The following C3orf33 variants were observed in gnomAD, a reference collection of about 807,000 sequenced individuals.
C3orf33 encodes the protein mitochondrial inner membrane subdomain organizer 1, also known as AP-1 activity suppressor.
In C3orf33, 23 loss-of-function variants were observed where a neutral mutation model predicts 28.7. The ratio of observed to expected loss-of-function variants is 0.80; its 90% confidence interval spans 0.58 to 1.13. The LOEUF is 1.13. Among genes scored for constraint, C3orf33 ranks in the 50% most tolerant of loss-of-function variants. The probability of loss-of-function intolerance (pLI) is 0.00; values close to 1 mark genes in which losing one functional copy is unlikely to be tolerated. For missense variants in C3orf33, 327 were observed against 353.4 expected (o/e 0.93, Z 0.60); for synonymous variants, 119 against 120.5 (o/e 0.99, Z 0.08).
intron 2 of C3orf33, among the ~76,000 whole-genome samples, chr3:155,787,156 T>C (rs80140424): frequency 0.015 from 2,224 of 152,172 alleles, 27 homozygotes; most frequent in South Asian, 0.039. Context: ...GTCATAAACA[T>C]TGACGAAGAA....
At chr3:155,781,791 T>C (rs79408462) in intron 2 of C3orf33, among the ~76,000 whole-genome samples, 1 of 87,140 alleles carries the variant, frequency 1.1e-5, no homozygotes, top group Non-Finnish European at 2.3e-5. Flanking sequence ...AAAAAAAAAA[T>C]AGTGGGCCGG....
At chr3:155,774,913 TAAC>T (rs1750694005) in intron 3 of C3orf33, among the ~76,000 whole-genome samples, 1 of 152,140 alleles carries the variant, frequency 6.6e-6, no homozygotes, top group Admixed American at 6.5e-5. Context: ...CCTGATTAAA[TAAC>T]AACTCCTCAA....
rs375532251 is a variant in C3orf33, at chr3:155,790,747, G to A, written c.174+11785C>T. Among the ~76,000 whole-genome samples, 74 of 152,246 alleles carry A rather than the reference G, an allele frequency of 4.9e-4. 2 individuals are homozygous for A. The South Asian group carries it at 0.014, about 29-fold the overall frequency. On this transcript the variant is annotated intron_variant, in intron 2 of 4. Coordinates refer to ENST00000340171, the MANE Select transcript of C3orf33 (RefSeq NM_001308229.2). ...AAGCAACATCAGATAAAACTGAGCC[G>A]GGGCCCACAGAGGAAGTATTTAGAC...
chr3:155,797,081 C>T (rs1055497759), intron 2 of C3orf33, among the ~76,000 whole-genome samples: 5 of 152,140 alleles, frequency 3.3e-5, no homozygotes. Context: ...ATTCCAGCTA[C>T]TTGGGAGGCT....
intron 4 of C3orf33, 37 bp downstream of exon 4, chr3:155,767,471 GA>G: frequency 1.4e-6 from 2 of 1,398,950 alleles, no homozygotes; most frequent in Non-Finnish European, 1.9e-6. Flanking sequence ...GTAATAAGAA[GA>G]ATAAGATATT....
intron 2 of C3orf33, among the ~76,000 whole-genome samples, chr3:155,777,206 T>C (rs993401557): frequency 6.6e-6 from 1 of 151,648 alleles, no homozygotes; most frequent in Non-Finnish European, 1.5e-5. Context: ...CCCAGCTACT[T>C]GGGAGGCTGA....
intron 2 of C3orf33, among the ~76,000 whole-genome samples, chr3:155,801,420 A>G (rs1309276469): frequency 6.6e-6 from 1 of 152,212 alleles, no homozygotes; most frequent in Non-Finnish European, 1.5e-5. Context: ...ATATTTGTAT[A>G]TGCATGTTCA....
At chr3:155,800,121 C>G (rs905110870) in intron 2 of C3orf33, among the ~76,000 whole-genome samples, 13 of 151,664 alleles carry the variant, frequency 8.6e-5, no homozygotes, top group Non-Finnish European at 1.6e-4. Context: ...TGATGAATAC[C>G]CTATTTACTC....
intron 2 of C3orf33, among the ~76,000 whole-genome samples, chr3:155,786,383 A>G (rs1751109232): frequency 6.6e-6 from 1 of 152,234 alleles, no homozygotes; most frequent in African/African-American, 2.4e-5. Context: ...GACTAAAAAA[A>G]GAGAGAAAGG....
At chr3:155,776,488 A>G (rs1258734496) in intron 2 of C3orf33, among the ~76,000 whole-genome samples, 2 of 152,190 alleles carry the variant, frequency 1.3e-5, no homozygotes, top group Non-Finnish European at 2.9e-5. Context: ...AGAGGCTCAC[A>G]TAACAGAAGG....
chr3:155,775,286 C>T (rs1035287689), intron 3 of C3orf33, among the ~76,000 whole-genome samples: 1 of 151,990 alleles, frequency 6.6e-6, no homozygotes, highest in African/African-American at 2.4e-5. Context: ...AGTCAGAAGT[C>T]CAAGACCAGC....
chr3:155,765,485 G>A (rs74420486), intron 4 of C3orf33, among the ~76,000 whole-genome samples: 3,024 of 151,848 alleles, frequency 0.02, 101 homozygotes, highest in African/African-American at 0.07. Context: ...TAATATTTTT[G>A]TAAGGCCTTT....
chr3:155,805,658 G>T, intron 1 of C3orf33: 1 of 455,298 alleles, frequency 2.2e-6, no homozygotes, highest in South Asian at 1.6e-5. Flanking sequence ...AGTGGGTGGA[G>T]CAGCAGCAGT....
Position 155,767,652 on chromosome 3 carries a change from A to G in C3orf33, c.340T>C (p.Leu114=). 1 of 1,571,312 alleles carries G rather than the reference A, an allele frequency of 6.4e-7. No individual in the cohort carries two copies. The highest frequency in any genetic ancestry group is 8.7e-7 in the Non-Finnish European group (1 of 1,154,266). ...ASLRKEPRGA[L]LVKLAGVELA... ...TCTACTCCAGCCAACTTAACCAGCA[A>G]AGCACCACGTGGCTCTTCTAAAAAG... Residue 114 remains leucine (L), a synonymous_variant, in exon 4 of 5, where the codon TTG becomes CTG. Transcript: ENST00000340171.
chr3:155,787,792 G>A (rs1751173472), intron 2 of C3orf33, among the ~76,000 whole-genome samples: 2 of 151,790 alleles, frequency 1.3e-5, no homozygotes, highest in Non-Finnish European at 2.9e-5. Context: ...GGGATTACAA[G>A]TTTAAGCCAC....
At chr3:155,799,098 G>C (rs1293172451) in intron 2 of C3orf33, among the ~76,000 whole-genome samples, 3 of 152,140 alleles carry the variant, frequency 2.0e-5, no homozygotes. Flanking sequence ...AATTAAAATG[G>C]CTTTTATCCA....
intron 2 of C3orf33, among the ~76,000 whole-genome samples, chr3:155,793,977 T>C (rs953459106): frequency 7.4e-6 from 1 of 135,938 alleles, no homozygotes; most frequent in Admixed American, 7.7e-5. Context: ...TGCTTGGTGG[T>C]GTTTTGTTTT....
intron 2 of C3orf33, among the ~76,000 whole-genome samples, chr3:155,788,701 A>C (rs954350205): frequency 2.6e-5 from 4 of 151,912 alleles, no homozygotes; most frequent in Admixed American, 1.3e-4. Context: ...AAGAAAGAAA[A>C]AACCATAGTG....
intron 1 of C3orf33, among the ~76,000 whole-genome samples, chr3:155,804,820 C>G (rs1751764045): frequency 6.6e-6 from 1 of 152,164 alleles, no homozygotes; most frequent in Admixed American, 6.6e-5. Flanking sequence ...TCCCAATGTT[C>G]TATGTCAGGT....
Sources: gnomAD v4.1 joint callset for allele counts (sites outside exome capture counted in the v4.1 genomes callset) on GRCh38, gnomAD v4.1.1 for gene constraint, MANE v1.5 for transcripts, NCBI Gene and HGNC (gene_info 2026-07-23, HGNC 2026-07-21) for gene names.